The following AK8 variants were observed in gnomAD, a reference collection of about 807,000 sequenced individuals.
The protein encoded by AK8 is adenylate kinase 8.
A neutral mutation model predicts 54.6 loss-of-function variants in AK8; 44 were observed. That is an observed-to-expected ratio of 0.81 (90% CI 0.63 to 1.04). The LOEUF (loss-of-function observed/expected upper bound fraction) is 1.04, where lower values mean the gene tolerates loss of function less well. Ranked by LOEUF, AK8 falls within the 50% of genes least tolerant of loss-of-function variation. The pLI is 0.00. For synonymous variants in AK8, 239 were observed against 245.6 expected (o/e 0.97, Z 0.25); for missense variants, 555 against 613.6 (o/e 0.90, Z 1.01).
rs1326168215 is a variant in AK8, at chr9:132,790,775, T to C, written c.1121+1859A>G. Among the ~76,000 whole-genome samples, 1 of 152,100 alleles carries C rather than the reference T, an allele frequency of 6.6e-6. No homozygotes were observed. Among genetic ancestry groups the C allele is most frequent in the Non-Finnish European group, 1.5e-5 (1 of 68,010 alleles). ...TGTAGATGACATGGTCATCTACCTG[T>C]AAAACCCAAGAGAATCAACTGAAAA... On this transcript the variant is annotated intron_variant, in intron 11 of 12. Transcript: ENST00000298545. The surrounding 1 kb of genome is among the most constrained non-coding windows in gnomAD (Gnocchi z 4.1).
At chr9:132,856,039 C>T (rs1346321453) in intron 4 of AK8, among the ~76,000 whole-genome samples, 2 of 152,174 alleles carry the variant, frequency 1.3e-5, no homozygotes, top group Non-Finnish European at 2.9e-5. Context: ...CCCCAGGGTA[C>T]TCCGCACTCT....
chr9:132,766,918 A>G (rs544696308), intron 11 of AK8, among the ~76,000 whole-genome samples: 1 of 152,356 alleles, frequency 6.6e-6, no homozygotes, highest in Admixed American at 6.5e-5. Flanking sequence ...GGAAAACTGG[A>G]TATATCTGCA....
At chr9:132,731,711 C>G (rs1168296346) in intron 11 of AK8, among the ~76,000 whole-genome samples, 5 of 152,164 alleles carry the variant, frequency 3.3e-5, no homozygotes, top group Admixed American at 6.5e-5. Flanking sequence ...GATAAAGTTT[C>G]TTGAGAGCTC....
At chr9:132,867,100 C>A in intron 2 of AK8, 147 bp from the exon 3 acceptor site, 1 of 733,002 alleles carries the variant, frequency 1.4e-6, no homozygotes, top group Non-Finnish European at 2.4e-6. Context: ...AGCTCAGAGA[C>A]ACTCTTGCCA....
chr9:132,801,009 C>G (rs1840429623), intron 10 of AK8, among the ~76,000 whole-genome samples: 1 of 150,110 alleles, frequency 6.7e-6, no homozygotes, highest in Non-Finnish European at 1.5e-5. Context: ...ACTACAACCT[C>G]TACCTCCTGA....
chr9:132,815,195 G>A (rs382767), intron 9 of AK8, among the ~76,000 whole-genome samples: 14,408 of 152,242 alleles, frequency 0.095, 731 homozygotes, highest in African/African-American at 0.13. Context: ...TGCTTCCACA[G>A]CCCTTCCAGC....
At chr9:132,776,903 A>G (rs1473024214) in intron 11 of AK8, among the ~76,000 whole-genome samples, 1 of 152,216 alleles carries the variant, frequency 6.6e-6, no homozygotes, top group Non-Finnish European at 1.5e-5. Flanking sequence ...ACTTGGGGCC[A>G]AGTTCTAGAC....
At chr9:132,792,546 T>G in intron 11 of AK8, 88 bp downstream of exon 11, 1 of 1,455,282 alleles carries the variant, frequency 6.9e-7, no homozygotes, top group South Asian at 1.4e-5. Flanking sequence ...CGTGAAGGCT[T>G]GTGTAACCTG....
intron 10 of AK8, among the ~76,000 whole-genome samples, chr9:132,805,886 G>A (rs1840699652): frequency 6.6e-6 from 1 of 152,030 alleles, no homozygotes; most frequent in African/African-American, 2.4e-5. Flanking sequence ...GAAAAAAGGA[G>A]CTACTTCAAA....
Position 132,790,581 on chromosome 9 carries a change from C to T in AK8, c.1121+2053G>A, listed in dbSNP as rs1839906067. Among the ~76,000 whole-genome samples the T allele has an allele frequency of 6.6e-6, 1 of 152,146 alleles. No homozygotes were observed. The highest frequency in any genetic ancestry group is 6.6e-5 in the Admixed American group (1 of 15,262). On this transcript the variant is annotated intron_variant, in intron 11 of 12. Transcript: ENST00000298545. This position sits in a 1 kb window ranked among gnomAD's most constrained non-coding sequence, Gnocchi z 4.1. ...TTTAACTTCATACAAATTGTATGCA[C>T]TTCAAACCAAAAGCCAGTAGCACCT...
At chr9:132,823,531 C>T (rs1330146125) in intron 8 of AK8, among the ~76,000 whole-genome samples, 195 bp from the exon 9 acceptor site, 1 of 152,176 alleles carries the variant, frequency 6.6e-6, no homozygotes, top group Non-Finnish European at 1.5e-5. Context: ...AGGCAGGGAG[C>T]GAGGAGTGAA....
rs80009799 is a variant in AK8, at chr9:132,747,025, T to C, written c.1122-19491A>G. Among the ~76,000 whole-genome samples the C allele has an allele frequency of 5.8e-4, 89 of 152,362 alleles. 1 individual carries two copies. The East Asian group carries it at 0.017, about 28-fold the overall frequency. The stretch of plus-strand genomic sequence containing the variant: ...TTATATCATCTTGCAAAGTAAACAG[T>C]ATTCTCAATGCATATATGCGGCAAC... On this transcript the variant is annotated intron_variant, in intron 11 of 12. Coordinates refer to ENST00000298545, the MANE Select transcript of AK8 (RefSeq NM_152572.3).
At chr9:132,856,682 C>T (rs1843184160) in intron 4 of AK8, among the ~76,000 whole-genome samples, 1 of 152,156 alleles carries the variant, frequency 6.6e-6, no homozygotes. Flanking sequence ...GACATCAGTG[C>T]AATCATTAGG....
chr9:132,864,832 A>G (rs1051132979), intron 3 of AK8, among the ~76,000 whole-genome samples: 1 of 152,226 alleles, frequency 6.6e-6, no homozygotes, highest in African/African-American at 2.4e-5. Context: ...AAGAGCTAGG[A>G]CAGGACGAAG....
At chr9:132,777,766 C>A (rs116107495) in intron 11 of AK8, among the ~76,000 whole-genome samples, 2 of 152,116 alleles carry the variant, frequency 1.3e-5, no homozygotes, top group Admixed American at 6.5e-5. Flanking sequence ...GGAAGCTCTG[C>A]GAGCAAGGAA....
intron 10 of AK8, among the ~76,000 whole-genome samples, chr9:132,806,962 T>C (rs1014327471): frequency 1.3e-5 from 2 of 152,116 alleles, no homozygotes; most frequent in African/African-American, 4.8e-5. Context: ...CAGACAGAAA[T>C]GTTTAGGAAA....
chr9:132,762,725 G>A (rs1277074275), intron 11 of AK8, among the ~76,000 whole-genome samples: 1 of 152,116 alleles, frequency 6.6e-6, no homozygotes, highest in African/African-American at 2.4e-5. Flanking sequence ...CCAATATGGA[G>A]AAACCCTGTC....
chr9:132,744,864 G>A (rs1005628783), intron 11 of AK8, among the ~76,000 whole-genome samples: 4 of 152,188 alleles, frequency 2.6e-5, no homozygotes, highest in Non-Finnish European at 4.4e-5. Context: ...AAGGGGGGCC[G>A]TAAGACAAGA....
At position 132,837,461 on chromosome 9, in the gene AK8, T is replaced by C. The variant is rs1588193635; in HGVS notation, c.403-8735A>G. 6.6e-6 allele frequency among the ~76,000 whole-genome samples: 1 copy of C among 152,242 alleles called. No homozygotes were observed. Among genetic ancestry groups the C allele is most frequent in the South Asian group, 2.1e-4 (1 of 4,824 alleles). ...GCTCAGCCTGCGAAGAGAAGAGTGA[T>C]GTGGTCAGTACTTCTGGGTCCAGTC... On this transcript the variant is annotated intron_variant, in intron 5 of 12. Transcript: ENST00000298545. The surrounding 1 kb of genome is among the most constrained non-coding windows in gnomAD (Gnocchi z 4.3).
Sources: gnomAD v4.1 joint callset for allele counts (sites outside exome capture counted in the v4.1 genomes callset) on GRCh38, gnomAD v4.1.1 for gene constraint, Gnocchi (gnomAD v3.1) non-coding constraint, MANE v1.5 for transcripts, NCBI Gene and HGNC (gene_info 2026-07-23, HGNC 2026-07-21) for gene names.